The following ENPP2 variants were observed in gnomAD, a reference collection of about 807,000 sequenced individuals.
ENPP2 encodes autotaxin.
Under a neutral mutation model 120.2 loss-of-function variants are expected in ENPP2, and 51 were observed. The observed-to-expected ratio is 0.42, with a 90% CI of 0.34 to 0.54. The LOEUF (loss-of-function observed/expected upper bound fraction) is 0.54, where lower values mean the gene tolerates loss of function less well. Among genes scored for constraint, ENPP2 ranks in the 20% least tolerant of loss-of-function variants. ENPP2 has a pLI of 0.04. For synonymous variants in ENPP2, 365 were observed against 366.4 expected (o/e 1.00, Z 0.04); for missense variants, 920 against 1,066.5 (o/e 0.86, Z 1.91).
At chr8:119,628,225 GTCTCA>G (rs1247242550) in intron 2 of ENPP2, among the ~76,000 whole-genome samples, 4 of 152,048 alleles carry the variant, frequency 2.6e-5, no homozygotes, top group Non-Finnish European at 1.5e-5. Context: ...TTAAGTTAGG[GTCTCA>G]TCTCAATATA....
At chr8:119,670,960 T>C (rs1297458609) in intron 1 of ENPP2, among the ~76,000 whole-genome samples, 2 of 152,052 alleles carry the variant, frequency 1.3e-5, no homozygotes, top group Non-Finnish European at 2.9e-5. Flanking sequence ...TTTTCCAAAA[T>C]GAACTGCATG....
intron 3 of ENPP2, among the ~76,000 whole-genome samples, chr8:119,622,576 G>A (rs546339260): frequency 3.9e-5 from 6 of 152,278 alleles, no homozygotes; most frequent in South Asian, 2.1e-4. Context: ...GAGTGTAAGC[G>A]CCATGGCAGG....
chr8:119,625,839 C>T (rs771219649), intron 3 of ENPP2, among the ~76,000 whole-genome samples: 4 of 152,146 alleles, frequency 2.6e-5, no homozygotes, highest in African/African-American at 9.7e-5. Context: ...GCCTGTACAT[C>T]CTAGTAACTG....
At chr8:119,585,371 A>G (rs1015375215) in intron 15 of ENPP2, among the ~76,000 whole-genome samples, 2 of 152,158 alleles carry the variant, frequency 1.3e-5, no homozygotes, top group Non-Finnish European at 2.9e-5. Context: ...TCCCATACTG[A>G]TACAAGTTTC....
chr8:119,559,470 G>A (rs1014019959), intron 24 of ENPP2, among the ~76,000 whole-genome samples: 2 of 152,188 alleles, frequency 1.3e-5, no homozygotes, highest in African/African-American at 4.8e-5. Context: ...TCCTTGGGAA[G>A]TGATTTGCCA....
intron 22 of ENPP2, 53 bp from the exon 23 acceptor site, chr8:119,565,008 C>A: frequency 6.4e-7 from 1 of 1,550,920 alleles, no homozygotes. Flanking sequence ...AAACTCCTTA[C>A]TCTAGCCAAA....
At chr8:119,612,409 C>A (rs886238262) in intron 8 of ENPP2, among the ~76,000 whole-genome samples, 1 of 152,154 alleles carries the variant, frequency 6.6e-6, no homozygotes, top group Non-Finnish European at 1.5e-5. Context: ...ATCAAGTCAA[C>A]CCCTTTTGGC....
intron 12 of ENPP2, among the ~76,000 whole-genome samples, chr8:119,593,339 A>G (rs190964762): frequency 6.6e-6 from 1 of 152,144 alleles, no homozygotes; most frequent in African/African-American, 2.4e-5. Context: ...CTGCTTCTTT[A>G]TCATATTTAG....
intron 2 of ENPP2, among the ~76,000 whole-genome samples, chr8:119,635,234 G>A (rs1432974118): frequency 2.6e-5 from 4 of 152,146 alleles, no homozygotes; most frequent in Admixed American, 6.5e-5. Context: ...GTTAGTGACA[G>A]TCTACATTTC....
intron 20 of ENPP2, among the ~76,000 whole-genome samples, chr8:119,569,742 CTG>C (rs55992622): frequency 0.027 from 3,964 of 146,360 alleles, 100 homozygotes; most frequent in African/African-American, 0.062. Context: ...GACTATTTAT[CTG>C]TGTGTGTGTG....
intron 18 of ENPP2, chr8:119,580,392 T>C (rs969476227): frequency 5.3e-5 from 30 of 562,650 alleles, no homozygotes; most frequent in Middle Eastern, 3.6e-4. Context: ...CAATCTCTGT[T>C]TCCTTCCTTA....
chr8:119,598,478 G>A (rs993315504), intron 11 of ENPP2, among the ~76,000 whole-genome samples: 1 of 152,070 alleles, frequency 6.6e-6, no homozygotes, highest in Non-Finnish European at 1.5e-5. Flanking sequence ...AATTATTATA[G>A]CAAATTAAAG....
chr8:119,568,948 C>T (rs1017436109), intron 21 of ENPP2, among the ~76,000 whole-genome samples: 16 of 152,284 alleles, frequency 1.1e-4, no homozygotes, highest in African/African-American at 3.4e-4. Context: ...ATTACATAAA[C>T]GACTAGTGTC....
upstream of ENPP2, among the ~76,000 whole-genome samples, chr8:119,642,487 A>C (rs986996962): frequency 6.6e-6 from 1 of 152,202 alleles, no homozygotes; most frequent in Admixed American, 6.5e-5. Flanking sequence ...TCCTCAAAAA[A>C]AAGATAAGTA....
intron 13 of ENPP2, among the ~76,000 whole-genome samples, chr8:119,589,287 A>G (rs2130413787): frequency 6.6e-6 from 1 of 152,342 alleles, no homozygotes. Context: ...TGAGATATGA[A>G]CCCAGACATC....
chr8:119,653,352 G>T (rs571850663), intron 1 of ENPP2, among the ~76,000 whole-genome samples: 3 of 152,172 alleles, frequency 2.0e-5, no homozygotes, highest in East Asian at 1.9e-4. Context: ...AGAAAATAAC[G>T]TCAAGTAGCT....
At position 119,580,124 on chromosome 8, in the gene ENPP2, G is replaced by A. The variant is rs1363034497; in HGVS notation, c.1772C>T (p.Ser591Phe). ...TTGCAACCACCCCTTACCTTCTGTA[G>A]ACCCTTTTGTATGAAGCCGTTTGTT... is the stretch of plus-strand genomic sequence containing the variant. ...ELNKRLHTKGSTEERHLLYGR... is the reference protein window; with the variant it reads ...ELNKRLHTKGFTEERHLLYGR... The change falls in exon 19 of 25, where the codon TCT becomes TTT. Residue 591 changes from serine (S) to phenylalanine (F), a missense_variant. Physicochemically the swap from Ser to Phe is radical, Grantham distance 155. Transcript: ENST00000075322. 6.2e-7 allele frequency: 1 copy of A among 1,612,564 alleles called. No homozygotes were observed. The highest frequency in any genetic ancestry group is 1.7e-5 in the Admixed American group (1 of 60,018).
At chr8:119,627,284 C>G (rs182257109) in intron 2 of ENPP2, among the ~76,000 whole-genome samples, 37 of 152,188 alleles carry the variant, frequency 2.4e-4, no homozygotes, top group African/African-American at 8.7e-4. Flanking sequence ...GCTCTATAAT[C>G]TGGGCTTCTC....
intron 2 of ENPP2, among the ~76,000 whole-genome samples, chr8:119,637,697 A>C (rs1210530957): frequency 6.6e-6 from 1 of 152,248 alleles, no homozygotes; most frequent in African/African-American, 2.4e-5. Flanking sequence ...CAGGAAATTA[A>C]CCAACTCATT....
Sources: allele counts gnomAD v4.1 joint callset (sites outside exome capture counted in the v4.1 genomes callset), GRCh38; gene constraint gnomAD v4.1.1; transcripts MANE v1.5; gene names NCBI Gene and HGNC (gene_info 2026-07-23, HGNC 2026-07-21).